Variants in ADAM23 observed in about 807,000 individuals in gnomAD.
ADAM23 encodes disintegrin and metalloproteinase domain-containing protein 23.
Under a neutral mutation model 120.1 loss-of-function variants are expected in ADAM23, and 33 were observed. The observed-to-expected ratio is 0.27, with a 90% CI of 0.21 to 0.37. ADAM23 has a LOEUF of 0.37. ADAM23 is among the 10% of genes least tolerant of loss of function. ADAM23 has a pLI of 1.00. For synonymous variants in ADAM23, 367 were observed against 375.2 expected (o/e 0.98, Z 0.25); for missense variants, 862 against 1,058.2 (o/e 0.81, Z 2.57).
intron 3 of ADAM23, among the ~76,000 whole-genome samples, chr2:206,504,715 C>A (rs531992069): frequency 1.3e-5 from 2 of 152,148 alleles, no homozygotes; most frequent in African/African-American, 4.8e-5. Context: ...AGATGAAGAC[C>A]CAGAAATTTA....
At chr2:206,514,327 G>A (rs1696686815) in intron 3 of ADAM23, among the ~76,000 whole-genome samples, 1 of 152,144 alleles carries the variant, frequency 6.6e-6, no homozygotes, top group African/African-American at 2.4e-5. Flanking sequence ...ACATTTACAG[G>A]AGTTTGGAAT....
At chr2:206,459,658 A>T (rs762507037) in intron 2 of ADAM23, among the ~76,000 whole-genome samples, 1 of 152,168 alleles carries the variant, frequency 6.6e-6, no homozygotes, top group African/African-American at 2.4e-5. Flanking sequence ...TATTTAACCT[A>T]TATCTCCACT....
At chr2:206,547,542 A>G (rs746211363) in intron 7 of ADAM23, 41 bp downstream of exon 7, 7 of 1,529,884 alleles carry the variant, frequency 4.6e-6, no homozygotes, top group East Asian at 2.3e-5. Flanking sequence ...TTTATGTAGT[A>G]TGAGCTTTTA....
chr2:206,463,558 C>A (rs1468430639), intron 2 of ADAM23, among the ~76,000 whole-genome samples: 4 of 152,180 alleles, frequency 2.6e-5, no homozygotes, highest in Non-Finnish European at 5.9e-5. Flanking sequence ...AGGAAATAAT[C>A]CAGCAGTCAA....
intron 3 of ADAM23, among the ~76,000 whole-genome samples, chr2:206,514,046 G>A (rs1007595869): frequency 2.6e-5 from 4 of 152,182 alleles, no homozygotes; most frequent in Admixed American, 6.5e-5. Context: ...ACCAAAGAGT[G>A]CTGATGGAGA....
At chr2:206,477,160 A>G (rs1695791386) in intron 2 of ADAM23, among the ~76,000 whole-genome samples, 1 of 152,164 alleles carries the variant, frequency 6.6e-6, no homozygotes, top group South Asian at 2.1e-4. Context: ...ACATTGCTTG[A>G]TGATAAGGTG....
At chr2:206,609,841 C>T in intron 24 of ADAM23, 69 bp from the exon 25 acceptor site, 2 of 1,306,748 alleles carry the variant, frequency 1.5e-6, no homozygotes, top group South Asian at 2.8e-5. Flanking sequence ...AACTGCTTAA[C>T]TGCCTTTCCC....
intron 3 of ADAM23, among the ~76,000 whole-genome samples, chr2:206,515,890 G>A (rs1574508128): frequency 6.6e-6 from 1 of 151,450 alleles, no homozygotes; most frequent in African/African-American, 2.4e-5. Context: ...CTTTTTCCTG[G>A]GTCTGTTTCT....
At chr2:206,583,135 C>T (rs1368129942) in intron 18 of ADAM23, among the ~76,000 whole-genome samples, 1 of 152,126 alleles carries the variant, frequency 6.6e-6, no homozygotes, top group South Asian at 2.1e-4. Context: ...ATTATTCCCT[C>T]GAATATGTTT....
At chr2:206,512,203 A>G (rs1033186729) in intron 3 of ADAM23, among the ~76,000 whole-genome samples, 4 of 152,252 alleles carry the variant, frequency 2.6e-5, no homozygotes, top group Admixed American at 6.5e-5. Context: ...GGGTTTAAAA[A>G]TTAGAATTAC....
chr2:206,450,927 G>A (rs991016008), intron 2 of ADAM23, among the ~76,000 whole-genome samples: 1 of 152,182 alleles, frequency 6.6e-6, no homozygotes, highest in African/African-American at 2.4e-5. Flanking sequence ...CCCTACCTTT[G>A]CTCACTGGTG....
At chr2:206,589,549 C>T in intron 21 of ADAM23, 35 bp downstream of exon 21, 4 of 1,544,306 alleles carry the variant, frequency 2.6e-6, no homozygotes, top group Non-Finnish European at 2.6e-6. Context: ...AGTCACTGGA[C>T]TTGGAAGCCC....
chr2:206,609,980 G>A lies in ADAM23; in HGVS notation c.2430G>A (p.Gly810=). The A allele has an allele frequency of 1.3e-6, 2 of 1,584,610 alleles. No individual in the cohort carries two copies. Among genetic ancestry groups the A allele is most frequent in the Non-Finnish European group, 1.7e-6 (2 of 1,170,076 alleles). Residue 810 remains glycine (G), a synonymous_variant, in exon 25 of 26, where the codon GGG becomes GGA. Transcript: ENST00000264377. ...GAILVAAIVL[G]GTGWGFKNVK... ...TCCTGGTAGCAGCTATTGTCCTTGG[G>A]GGCACAGGCTGGGGATTTAAGTAAG...
Position 206,576,760 on chromosome 2 carries a change from T to C in ADAM23, c.1737+3565T>C, listed in dbSNP as rs189676619. Among the ~76,000 whole-genome samples, 506 of 152,314 alleles carry C rather than the reference T, an allele frequency of 3.3e-3. 2 individuals are homozygous for C. Among genetic ancestry groups the C allele is most frequent in the Non-Finnish European group, 5.3e-3 (359 of 68,010 alleles). On this transcript the variant is annotated intron_variant, in intron 18 of 25. Coordinates refer to ENST00000264377, the MANE Select transcript of ADAM23 (RefSeq NM_003812.4). ...GCATTTACTGATGCCTCAGAGCTAC[T>C]TATTAAACTTACGGTTTATAATAGA...
chr2:206,520,667 A>C (rs1696824268), intron 3 of ADAM23, among the ~76,000 whole-genome samples: 1 of 152,118 alleles, frequency 6.6e-6, no homozygotes, highest in Non-Finnish European at 1.5e-5. Flanking sequence ...CCTGCTGCTA[A>C]CATTAATTAC....
At chr2:206,507,543 C>A (rs1395941471) in intron 3 of ADAM23, among the ~76,000 whole-genome samples, 1 of 152,136 alleles carries the variant, frequency 6.6e-6, no homozygotes, top group East Asian at 1.9e-4. Flanking sequence ...TCCTGTATAG[C>A]CTACAGAACT....
At position 206,491,768 on chromosome 2, in the gene ADAM23, A is replaced by G. The variant is rs145947149; in HGVS notation, c.509+10460A>G. 4.1e-4 allele frequency among the ~76,000 whole-genome samples: 62 copies of G among 152,310 alleles called. 1 individual carries two copies. Among genetic ancestry groups the G allele is most frequent in the African/African-American group, 1.3e-3 (55 of 41,572 alleles). Reference sequence around the variant, plus strand: ...TCTGATACAAGAATTTTATCTCTCTAGAGATATAAATGTTTCCTTGTCAAA... The same window carrying G: ...TCTGATACAAGAATTTTATCTCTCTGGAGATATAAATGTTTCCTTGTCAAA... On this transcript the variant is annotated intron_variant, in intron 3 of 25. Coordinates refer to ENST00000264377, the MANE Select transcript of ADAM23 (RefSeq NM_003812.4).
chr2:206,513,248 T>A (rs1455767738), intron 3 of ADAM23, among the ~76,000 whole-genome samples: 1 of 152,216 alleles, frequency 6.6e-6, no homozygotes, highest in African/African-American at 2.4e-5. Context: ...AACTGAGGCC[T>A]CTTGAGTCAG....
intron 2 of ADAM23, among the ~76,000 whole-genome samples, chr2:206,477,891 A>ATATCTATATATATATATATAT: frequency 1.1e-5 from 1 of 94,420 alleles, no homozygotes; most frequent in East Asian, 2.4e-4. Flanking sequence ...AAAAAAAAAA[A>ATATCTATATATATATATATAT]AAAAAAATAT....
Sources: gnomAD v4.1 joint callset for allele counts (sites outside exome capture counted in the v4.1 genomes callset) on GRCh38, gnomAD v4.1.1 for gene constraint, MANE v1.5 for transcripts, NCBI Gene and HGNC (gene_info 2026-07-23, HGNC 2026-07-21) for gene names.